SPAG6: variants seen among roughly 807,000 people sequenced by gnomAD.
SPAG6 encodes the protein sperm associated antigen 6.
SPAG6 carries 49 observed loss-of-function variants against 58.5 expected under a neutral mutation model. That is an observed-to-expected ratio of 0.84 (90% confidence interval 0.67 to 1.06). The LOEUF (loss-of-function observed/expected upper bound fraction) is 1.06, where lower values mean the gene tolerates loss of function less well. Ranked by LOEUF, SPAG6 falls within the 50% of genes least tolerant of loss-of-function variation. The probability of loss-of-function intolerance (pLI) is 0.00; values close to 1 mark genes in which losing one functional copy is unlikely to be tolerated. For synonymous variants in SPAG6, 233 were observed against 225.6 expected (o/e 1.03, Z -0.29); for missense variants, 560 against 611.3 (o/e 0.92, Z 0.89).
At chr10:22,403,355 A>T (rs558382699) in intron 9 of SPAG6, among the ~76,000 whole-genome samples, 2 of 152,084 alleles carry the variant, frequency 1.3e-5, no homozygotes, top group African/African-American at 2.4e-5. Context: ...TCATTGTTCA[A>T]TTCCCACCTA....
At chr10:22,374,296 A>G (rs2132062498) in intron 4 of SPAG6, among the ~76,000 whole-genome samples, 1 of 152,312 alleles carries the variant, frequency 6.6e-6, no homozygotes, top group African/African-American at 2.4e-5. Context: ...TTCCCACTAT[A>G]TGAAGTACAA....
intron 4 of SPAG6, among the ~76,000 whole-genome samples, chr10:22,371,184 T>C (rs547768196): frequency 1.3e-5 from 2 of 152,324 alleles, no homozygotes; most frequent in African/African-American, 4.8e-5. Flanking sequence ...AGGGAATTGT[T>C]ACCTAGTAAA....
chr10:22,347,689 A>G lies in SPAG6; in HGVS notation c.121+1871A>G, dbSNP rs1016818940. 2.6e-5 allele frequency among the ~76,000 whole-genome samples: 4 copies of G among 152,320 alleles called. No homozygotes were observed. The South Asian group carries it at 6.2e-4, about 24-fold the overall frequency. ...ATAAGAGTGCAATGTAGACTTCACA[A>G]TGGAACTTAATCCAAATTGACTGTA... On this transcript the variant is annotated intron_variant, in intron 2 of 10. Transcript: ENST00000376624.
chr10:22,347,077 C>T (rs1318617492), intron 2 of SPAG6, among the ~76,000 whole-genome samples: 2 of 151,908 alleles, frequency 1.3e-5, no homozygotes, highest in South Asian at 2.1e-4. Context: ...AATTTTATTC[C>T]GTGCGTATCC....
At chr10:22,348,487 G>A (rs1487869754) in intron 2 of SPAG6, among the ~76,000 whole-genome samples, 1 of 151,938 alleles carries the variant, frequency 6.6e-6, no homozygotes, top group Admixed American at 6.6e-5. Flanking sequence ...CTACATACCT[G>A]GAAGATTTTG....
intron 8 of SPAG6, among the ~76,000 whole-genome samples, chr10:22,395,797 A>G (rs1834279037): frequency 6.6e-6 from 1 of 152,176 alleles, no homozygotes; most frequent in African/African-American, 2.4e-5. Flanking sequence ...GGTCATAAAG[A>G]TTTACTCCTA....
intron 8 of SPAG6, among the ~76,000 whole-genome samples, chr10:22,400,530 A>T (rs975873591): frequency 6.6e-6 from 1 of 151,634 alleles, no homozygotes; most frequent in Non-Finnish European, 1.5e-5. Context: ...AATGGTACAT[A>T]TGGTACGTAT....
intron 10 of SPAG6, chr10:22,413,078 A>C (rs1834780583): frequency 6.7e-6 from 1 of 150,354 alleles, no homozygotes. Flanking sequence ...AAAAAAAAAA[A>C]AAAAAAAAAA....
chr10:22,393,575 T>C (rs1460700494), intron 8 of SPAG6, among the ~76,000 whole-genome samples: 8 of 152,222 alleles, frequency 5.3e-5, no homozygotes, highest in African/African-American at 1.9e-4. Flanking sequence ...GGTTAACTAA[T>C]AGAAATTAAC....
At chr10:22,372,437 G>C (rs750593217) in intron 4 of SPAG6, among the ~76,000 whole-genome samples, 5 of 152,238 alleles carry the variant, frequency 3.3e-5, no homozygotes, top group Non-Finnish European at 5.9e-5. Flanking sequence ...TAGGAGGGAT[G>C]GTGGGATTCC....
At chr10:22,396,920 T>A (rs572202238) in intron 8 of SPAG6, among the ~76,000 whole-genome samples, 30 of 152,324 alleles carry the variant, frequency 2.0e-4, no homozygotes, top group African/African-American at 6.7e-4. Flanking sequence ...TATCTAAGGA[T>A]AAACATTAAC....
chr10:22,345,631 T>G lies in SPAG6; in HGVS notation c.20T>G (p.Leu7Arg), dbSNP rs1481228741. 4.5e-6 allele frequency: 7 copies of G among 1,541,450 alleles called. No homozygotes were observed. The highest frequency in any genetic ancestry group is 6.1e-6 in the Non-Finnish European group (7 of 1,144,818). Reference protein sequence around the residue: MSQRQVLQVFEQYQKAR... With the variant: MSQRQVRQVFEQYQKAR... Reference sequence around the variant, plus strand: ...GGCGCCATGAGTCAGAGGCAGGTGCTGCAAGGTAGGGCCGAGGCGGGCAGG... The same window carrying G: ...GGCGCCATGAGTCAGAGGCAGGTGCGGCAAGGTAGGGCCGAGGCGGGCAGG... Residue 7 changes from leucine (L) to arginine (R), a missense_variant, in exon 1 of 11, where the codon CTG becomes CGG. Physicochemically the swap from Leu to Arg is moderately radical, Grantham distance 102. Transcript: ENST00000376624. The surrounding 1 kb of genome is among the most constrained non-coding windows in gnomAD (Gnocchi z 6.3).
At chr10:22,359,318 AG>A (rs1588638092) in intron 2 of SPAG6, 1 of 327,872 alleles carries the variant, frequency 3.0e-6, no homozygotes. Context: ...ATTAAAATGA[AG>A]CATACTGTTG....
intron 10 of SPAG6, among the ~76,000 whole-genome samples, chr10:22,416,317 A>C (rs1834864116): frequency 6.6e-6 from 1 of 152,154 alleles, no homozygotes; most frequent in Non-Finnish European, 1.5e-5. Context: ...GATTAAAATG[A>C]AGTCTCTGTA....
chr10:22,384,536 CAT>C (rs1396747763), intron 4 of SPAG6, among the ~76,000 whole-genome samples: 3 of 152,122 alleles, frequency 2.0e-5, no homozygotes, highest in Non-Finnish European at 4.4e-5. Context: ...TTAATATTAA[CAT>C]ATGTTTGAAG....
At chr10:22,346,259 A>C (rs1245165047) in intron 2 of SPAG6, among the ~76,000 whole-genome samples, 1 of 152,144 alleles carries the variant, frequency 6.6e-6, no homozygotes, top group African/African-American at 2.4e-5. Flanking sequence ...GATATGCTTG[A>C]ATCTTTTCCA....
In SPAG6 at chr10:22,364,879, C is replaced by T; in HGVS notation, c.148C>T (p.Leu50Phe). The change falls in exon 3 of 11, where the codon CTT (leucine) becomes TTT (phenylalanine). Residue 50 changes from leucine (L) to phenylalanine (F), a missense_variant. Transcript: ENST00000376624. ...TGTAATGTCTTTGCTGAGAACTCTT[C>T]TTCTGGACGTGGTCCCAACAATTCA... is the stretch of plus-strand genomic sequence containing the variant. Reference protein sequence around the residue: ...AGVMSLLRTLLLDVVPTIQQT... With the variant: ...AGVMSLLRTLFLDVVPTIQQT... 9 of 1,611,078 alleles carry T rather than the reference C, an allele frequency of 5.6e-6. No homozygotes were observed. Among genetic ancestry groups the T allele is most frequent in the Non-Finnish European group, 6.8e-6 (8 of 1,178,978 alleles).
chr10:22,409,916 C>T (rs927224477), intron 9 of SPAG6, among the ~76,000 whole-genome samples: 12 of 152,128 alleles, frequency 7.9e-5, no homozygotes, highest in Non-Finnish European at 2.9e-5. Flanking sequence ...TCTATCCTAC[C>T]GTGGTCTACT....
chr10:22,416,752 C>T lies in SPAG6; in HGVS notation c.*64C>T. The T allele has an allele frequency of 1.1e-6, 1 of 890,882 alleles. No homozygotes were observed. Among genetic ancestry groups the T allele is most frequent in the South Asian group, 1.4e-5 (1 of 69,910 alleles). The allele number at this position is 890,882 out of a possible 1,614,324, so 55.2% of individuals were successfully genotyped here. ...AGTTTTGAGTAACAGTAATTAAATC[C>T]TTCTAAATATTTGAACTAAGTATAT... On this transcript the variant is annotated 3_prime_UTR_variant, in exon 11 of 11. Coordinates refer to ENST00000376624, the MANE Select transcript of SPAG6 (RefSeq NM_012443.4).
Sources: gnomAD v4.1 joint callset for allele counts (sites outside exome capture counted in the v4.1 genomes callset) on GRCh38, gnomAD v4.1.1 for gene constraint, Gnocchi (gnomAD v3.1) non-coding constraint, MANE v1.5 for transcripts, NCBI Gene and HGNC (gene_info 2026-07-23, HGNC 2026-07-21) for gene names.